The following LY96 variants were observed in gnomAD, a reference collection of about 807,000 sequenced individuals.
LY96 encodes myeloid differentiation protein-2.
LY96 carries 18 observed loss-of-function variants against 18.9 expected under a neutral mutation model. The ratio of observed to expected loss-of-function variants is 0.95; its 90% confidence interval spans 0.66 to 1.41. The LOEUF (loss-of-function observed/expected upper bound fraction) is 1.41. Among genes scored for constraint, LY96 ranks in the 40% most tolerant of loss-of-function variants. The probability of loss-of-function intolerance (pLI) is 0.00; values close to 1 mark genes in which losing one functional copy is unlikely to be tolerated. For missense variants in LY96, 175 were observed against 182.4 expected (o/e 0.96, Z 0.23); for synonymous variants, 66 against 62.6 (o/e 1.06, Z -0.26).
chr8:73,996,372 CCTTTCTTTCTTTCTTTCTTTCTTT>C (rs541600290), intron 1 of LY96, among the ~76,000 whole-genome samples: 4 of 110,910 alleles, frequency 3.6e-5, no homozygotes, highest in Admixed American at 9.4e-5. Flanking sequence ...TTCCTTCATT[CCTTTCTTTCTTTCTTTCTTTCTTT>C]CTTTCTTTCT....
At chr8:74,043,572 CAT>C in the LY96 span, among the ~76,000 whole-genome samples, 3 of 152,242 alleles carry the variant, frequency 2.0e-5, no homozygotes, top group South Asian at 4.2e-4. Context: ...GAGGTTGACA[CAT>C]GTGTATTTGT....
chr8:74,050,097 C>T, the LY96 span, among the ~76,000 whole-genome samples: 2 of 152,146 alleles, frequency 1.3e-5, no homozygotes, highest in Non-Finnish European at 2.9e-5. Context: ...AATGCCAGCA[C>T]TTTGGGAAGC....
intron 3 of LY96, among the ~76,000 whole-genome samples, chr8:74,025,314 T>A (rs1816847101): frequency 6.6e-6 from 1 of 152,160 alleles, no homozygotes; most frequent in South Asian, 2.1e-4. Flanking sequence ...GAAGACATGA[T>A]CACTTTACTG....
At chr8:74,088,549 C>T in the LY96 span, among the ~76,000 whole-genome samples, 2 of 152,172 alleles carry the variant, frequency 1.3e-5, no homozygotes, top group African/African-American at 4.8e-5. Flanking sequence ...GCTAAAACCG[C>T]AGACTGTGAC....
downstream of LY96, among the ~76,000 whole-genome samples, chr8:74,033,047 G>A (rs1816995962): frequency 6.6e-6 from 1 of 152,160 alleles, no homozygotes; most frequent in Non-Finnish European, 1.5e-5. Flanking sequence ...TAAATTTTGG[G>A]GTTTAGGGGG....
chr8:74,028,785 G>A (rs546208407), intron 4 of LY96, among the ~76,000 whole-genome samples, 171 bp from the exon 5 acceptor site: 1 of 151,976 alleles, frequency 6.6e-6, no homozygotes, highest in Non-Finnish European at 1.5e-5. Flanking sequence ...GAAATAAATG[G>A]GCTTTATGCT....
chr8:74,022,512 C>A (rs2131281423), intron 3 of LY96, among the ~76,000 whole-genome samples: 1 of 151,272 alleles, frequency 6.6e-6, no homozygotes, highest in African/African-American at 2.4e-5. Context: ...AGAACTCCTT[C>A]CACCTACCTG....
At chr8:74,024,108 C>T (rs898820719) in intron 3 of LY96, among the ~76,000 whole-genome samples, 3 of 152,046 alleles carry the variant, frequency 2.0e-5, no homozygotes, top group South Asian at 2.1e-4. Context: ...ACTTTTACAC[C>T]AACCTAATAG....
chr8:74,078,172 A>C, the LY96 span, among the ~76,000 whole-genome samples: 1 of 152,108 alleles, frequency 6.6e-6, no homozygotes. Context: ...AGTGTCTTTC[A>C]TATGCTAGAA....
At chr8:74,035,006 AC>A in the LY96 span, among the ~76,000 whole-genome samples, 2 of 152,238 alleles carry the variant, frequency 1.3e-5, no homozygotes, top group African/African-American at 4.8e-5. Flanking sequence ...ATACCTTGTG[AC>A]AAAGCCTCCT....
the LY96 span, among the ~76,000 whole-genome samples, chr8:74,034,645 C>T: frequency 0.27 from 41,768 of 151,924 alleles, 7,497 homozygotes; most frequent in African/African-American, 0.52. Context: ...CCTTGTTTTA[C>T]CTCCAAGGAA....
Position 74,005,316 on chromosome 8 carries a change from A to G in LY96, c.202+431A>G, listed in dbSNP as rs933883271. 3.3e-5 allele frequency among the ~76,000 whole-genome samples: 5 copies of G among 152,354 alleles called. No homozygotes were observed. In the East Asian group the frequency reaches 9.6e-4, roughly 29 times the overall value. ...AAGCCAGCGAGGGGGACAGTCAGCT[A>G]ACTAGGCAAGTCACAATCTTATATA... On this transcript the variant is annotated intron_variant, in intron 2 of 4. Coordinates refer to ENST00000284818, the MANE Select transcript of LY96 (RefSeq NM_015364.5).
chr8:73,991,592 C>T lies in LY96; in HGVS notation c.112+38C>T, dbSNP rs1341215943. 4 of 1,212,842 alleles carry T rather than the reference C, an allele frequency of 3.3e-6. No individual in the cohort carries two copies. In the Admixed American group the frequency reaches 5.0e-5, roughly 15 times the overall value. The allele number at this position is 1,212,842 out of a possible 1,614,324, so 75.1% of individuals were successfully genotyped here. On this transcript the variant is annotated intron_variant, in intron 1 of 4. Coordinates refer to ENST00000284818, the MANE Select transcript of LY96 (RefSeq NM_015364.5). ...GCAAAACAAATAATTGTAGCATCAACTATTTTGAGGGTAAGTTTTCACGAG... is the reference window on the plus strand; with the variant it reads ...GCAAAACAAATAATTGTAGCATCAATTATTTTGAGGGTAAGTTTTCACGAG...
chr8:74,063,204 G>T, the LY96 span, among the ~76,000 whole-genome samples: 1 of 152,328 alleles, frequency 6.6e-6, no homozygotes, highest in South Asian at 2.1e-4. Context: ...TCATGACATA[G>T]TGGTTAGCTT....
chr8:74,086,590 A>G, the LY96 span, among the ~76,000 whole-genome samples: 6 of 152,190 alleles, frequency 3.9e-5, no homozygotes, highest in Non-Finnish European at 5.9e-5. Context: ...AATTCTGGTT[A>G]TGTATTAGGA....
chr8:74,068,089 A>AAAATATATATATAT, the LY96 span, among the ~76,000 whole-genome samples: 1 of 67,932 alleles, frequency 1.5e-5, no homozygotes, highest in Non-Finnish European at 2.5e-5. Flanking sequence ...AAAAAAAAAA[A>AAAATATATATATAT]ATATATATAT....
the LY96 span, among the ~76,000 whole-genome samples, chr8:74,078,149 G>A: frequency 6.6e-6 from 1 of 151,922 alleles, no homozygotes; most frequent in Admixed American, 6.6e-5. Flanking sequence ...TAAATAGTGG[G>A]TATCTATTAT....
the LY96 span, among the ~76,000 whole-genome samples, chr8:74,048,516 G>A: frequency 2.0e-5 from 3 of 152,134 alleles, no homozygotes; most frequent in African/African-American, 2.4e-5. Flanking sequence ...GCCTTGTTGG[G>A]CTCCCTAGCA....
chr8:74,027,035 C>T (rs956080652), intron 4 of LY96, among the ~76,000 whole-genome samples, 194 bp downstream of exon 4: 15 of 151,014 alleles, frequency 9.9e-5, no homozygotes, highest in African/African-American at 3.4e-4. Context: ...CCAACCCCCA[C>T]CCCAAGCAAT....
Sources: gnomAD v4.1 joint callset for allele counts (sites outside exome capture counted in the v4.1 genomes callset) on GRCh38, gnomAD v4.1.1 for gene constraint, MANE v1.5 for transcripts, NCBI Gene and HGNC (gene_info 2026-07-23, HGNC 2026-07-21) for gene names.